SAMD5: variants seen among roughly 807,000 people sequenced by gnomAD.
SAMD5 encodes sterile alpha motif domain-containing protein 5.
Under a neutral mutation model 11.3 loss-of-function variants are expected in SAMD5, and 13 were observed. The ratio of observed to expected loss-of-function variants is 1.15; its 90% CI spans 0.75 to 1.83. SAMD5 has a LOEUF of 1.83. Ranked by LOEUF, SAMD5 falls within the 40% of genes most tolerant of loss-of-function variation. The pLI, the probability that SAMD5 is intolerant of heterozygous loss-of-function variation, is 0.00. For missense variants in SAMD5, 255 were observed against 239.1 expected, an observed-to-expected ratio of 1.07 and a Z score of -0.44; for synonymous variants, 129 against 111.3, an observed-to-expected ratio of 1.16 and a Z score of -1.00.
rs1789012737 is a variant in SAMD5, at chr6:147,564,920, T to G, written c.*464T>G. 2.4e-6 allele frequency: 2 copies of G among 837,334 alleles called. No individual in the cohort carries two copies. Among genetic ancestry groups the G allele is most frequent in the Non-Finnish European group, 2.9e-6 (2 of 695,682 alleles). 51.9% of individuals were successfully genotyped at this position (837,334 alleles called of 1,614,324 possible). ...TTAATTTTTATATTCAAGCATACAT[T>G]CTACTTCATTTCATATAGGACCATG... On this transcript the variant is annotated 3_prime_UTR_variant, in exon 2 of 2. Coordinates refer to ENST00000367474, the MANE Select transcript of SAMD5 (RefSeq NM_001030060.3).
the SAMD5 span, among the ~76,000 whole-genome samples, chr6:147,941,515 G>A: frequency 0.33 from 50,432 of 152,006 alleles, 8,879 homozygotes; most frequent in South Asian, 0.53. Context: ...GTTTATAGCC[G>A]AAGCACTGTA....
At chr6:147,760,874 G>T in the SAMD5 span, among the ~76,000 whole-genome samples, 4 of 152,082 alleles carry the variant, frequency 2.6e-5, no homozygotes, top group Non-Finnish European at 5.9e-5. Context: ...TTAAAAATAG[G>T]TATAGATACA....
At chr6:147,541,882 G>A (rs1292377341) in intron 1 of SAMD5, among the ~76,000 whole-genome samples, 1 of 152,140 alleles carries the variant, frequency 6.6e-6, no homozygotes, top group Non-Finnish European at 1.5e-5. Flanking sequence ...TCCCCCAGGA[G>A]CTGAACAGAC....
chr6:147,768,523 C>CAAA, the SAMD5 span, among the ~76,000 whole-genome samples: 6 of 151,542 alleles, frequency 4.0e-5, no homozygotes, highest in East Asian at 1.2e-3. Flanking sequence ...ACAACAACAA[C>CAAA]AAAAAAACAG....
At chr6:147,811,153 A>G in the SAMD5 span, among the ~76,000 whole-genome samples, 1 of 152,200 alleles carries the variant, frequency 6.6e-6, no homozygotes, top group African/African-American at 2.4e-5. Context: ...AATGTCATAG[A>G]GTAGTAGAGT....
chr6:147,836,858 G>A, the SAMD5 span, among the ~76,000 whole-genome samples: 1 of 152,152 alleles, frequency 6.6e-6, no homozygotes, highest in Admixed American at 6.5e-5. Flanking sequence ...TGACAAATGA[G>A]TGAATGGCAA....
chr6:147,715,666 C>T (rs1485266140), intron 1 of SAMD5, among the ~76,000 whole-genome samples: 8 of 152,300 alleles, frequency 5.3e-5, no homozygotes, highest in Middle Eastern at 3.4e-3. Context: ...CCCAAGTTCT[C>T]GTCCTGCGTC....
At chr6:147,650,006 T>C (rs551735651) in intron 1 of SAMD5, among the ~76,000 whole-genome samples, 1 of 152,324 alleles carries the variant, frequency 6.6e-6, no homozygotes, top group East Asian at 1.9e-4. Context: ...TGCCTACATC[T>C]GGACACTTTG....
chr6:147,643,692 C>T (rs1442520238), intron 1 of SAMD5, among the ~76,000 whole-genome samples: 1 of 140,270 alleles, frequency 7.1e-6, no homozygotes, highest in Non-Finnish European at 1.5e-5. Flanking sequence ...TTATGGAAGA[C>T]TTTACTAAAA....
At position 147,508,836 on chromosome 6, in the gene SAMD5, T is replaced by C; in HGVS notation, c.-93T>C. On this transcript the variant is annotated 5_prime_UTR_variant, in exon 1 of 2. Coordinates refer to ENST00000367474, the MANE Select transcript of SAMD5 (RefSeq NM_001030060.3). Reference sequence around the variant, plus strand: ...ACTTTACTGCGATACCCTTTTCCCCTTGGAGGAGAGGATTAAAAGTTCCAA... The same window carrying C: ...ACTTTACTGCGATACCCTTTTCCCCCTGGAGGAGAGGATTAAAAGTTCCAA... The C allele has an allele frequency of 6.7e-7, 1 of 1,498,918 alleles. No individual in the cohort carries two copies. The highest frequency in any genetic ancestry group is 8.9e-7 in the Non-Finnish European group (1 of 1,128,920). 92.9% of individuals were successfully genotyped at this position (1,498,918 alleles called of 1,614,324 possible). A position where few individuals can be genotyped will look rare whatever the true frequency, so the allele number is the denominator to read the frequency against.
chr6:147,628,511 C>G (rs1285978871), intron 1 of SAMD5, among the ~76,000 whole-genome samples: 1 of 152,116 alleles, frequency 6.6e-6, no homozygotes, highest in Non-Finnish European at 1.5e-5. Flanking sequence ...GATGGGATTA[C>G]TGGAGTGATA....
chr6:147,850,348 A>G, the SAMD5 span, among the ~76,000 whole-genome samples: 1 of 152,044 alleles, frequency 6.6e-6, no homozygotes, highest in African/African-American at 2.4e-5. Context: ...ATGAAAATTA[A>G]CTGGTTTTTA....
intron 1 of SAMD5, among the ~76,000 whole-genome samples, chr6:147,543,906 G>A (rs779046379): frequency 1.3e-5 from 2 of 152,118 alleles, no homozygotes; most frequent in African/African-American, 2.4e-5. Context: ...GCGTGGGAAA[G>A]GAACGTTTAA....
chr6:147,555,775 A>C (rs1371220508), intron 1 of SAMD5, among the ~76,000 whole-genome samples: 1 of 152,230 alleles, frequency 6.6e-6, no homozygotes, highest in Non-Finnish European at 1.5e-5. Flanking sequence ...CAAATTTCAC[A>C]TGGCAAGTGA....
intron 1 of SAMD5, among the ~76,000 whole-genome samples, chr6:147,526,738 A>C (rs1788347942): frequency 6.6e-6 from 1 of 152,252 alleles, no homozygotes; most frequent in African/African-American, 2.4e-5. Flanking sequence ...TGCATGAAAC[A>C]GCATTAGCAA....
the SAMD5 span, among the ~76,000 whole-genome samples, chr6:147,951,580 G>C: frequency 6.6e-6 from 1 of 152,182 alleles, no homozygotes; most frequent in African/African-American, 2.4e-5. Flanking sequence ...TGTGTCTACC[G>C]CACTGCGTGT....
intron 1 of SAMD5, among the ~76,000 whole-genome samples, chr6:147,610,265 A>C (rs755931354): frequency 6.6e-6 from 1 of 152,168 alleles, no homozygotes; most frequent in Non-Finnish European, 1.5e-5. Flanking sequence ...AGTCTGTTGC[A>C]GTTCCTATTA....
chr6:147,772,675 G>A, the SAMD5 span, among the ~76,000 whole-genome samples: 3 of 152,226 alleles, frequency 2.0e-5, no homozygotes, highest in African/African-American at 7.2e-5. Context: ...TCTTTCTTCT[G>A]TGCACCTGTG....
At chr6:147,655,545 C>T (rs979691540) in intron 1 of SAMD5, among the ~76,000 whole-genome samples, 2 of 152,082 alleles carry the variant, frequency 1.3e-5, no homozygotes, top group Admixed American at 1.3e-4. Context: ...TTCAGAGTGA[C>T]TTTATTAATC....
Sources: allele counts gnomAD v4.1 joint callset (sites outside exome capture counted in the v4.1 genomes callset), GRCh38; gene constraint gnomAD v4.1.1; transcripts MANE v1.5; gene names NCBI Gene and HGNC (gene_info 2026-07-23, HGNC 2026-07-21).